Variants in SLC6A6 observed in about 807,000 individuals in gnomAD.
SLC6A6 encodes sodium- and chloride-dependent taurine transporter.
In SLC6A6, 16 loss-of-function variants were observed where a neutral mutation model predicts 68.8. The ratio of observed to expected loss-of-function variants is 0.23; its 90% CI spans 0.16 to 0.35. The LOEUF (loss-of-function observed/expected upper bound fraction) is 0.35. SLC6A6 is among the 10% of genes least tolerant of loss of function. The pLI is 1.00. For missense variants in SLC6A6, 474 were observed against 802.8 expected, an observed-to-expected ratio of 0.59 and a Z score of 4.95; for synonymous variants, 312 against 315.4, an observed-to-expected ratio of 0.99 and a Z score of 0.12.
chr3:14,466,666 G>T lies in SLC6A6; in HGVS notation c.867+16G>T. 6.3e-7 allele frequency: 1 copy of T among 1,595,628 alleles called. No homozygotes were observed. Among genetic ancestry groups the T allele is most frequent in the Non-Finnish European group, 8.6e-7 (1 of 1,167,682 alleles). On this transcript the variant is annotated intron_variant, in intron 7 of 14. Coordinates refer to ENST00000622186, the MANE Select transcript of SLC6A6 (RefSeq NM_003043.6). The stretch of plus-strand genomic sequence containing the variant: ...GGACCCACAGGTACTGTGGGGCTGG[G>T]ACACACCATCCTCCCTCCCATCCAG...
chr3:14,480,272 T>A (rs1700977853), intron 13 of SLC6A6, among the ~76,000 whole-genome samples: 1 of 152,262 alleles, frequency 6.6e-6, no homozygotes, highest in Non-Finnish European at 1.5e-5. Context: ...TTGGTGAGTT[T>A]ATCTTTGGAG....
At chr3:14,454,145 C>T (rs1256622898) in intron 5 of SLC6A6, among the ~76,000 whole-genome samples, 1 of 152,098 alleles carries the variant, frequency 6.6e-6, no homozygotes. Flanking sequence ...GGACGTGGAG[C>T]AGAGGAGGGA....
At position 14,468,691 on chromosome 3, in the gene SLC6A6, C is replaced by T. The variant is rs1325396094; in HGVS notation, c.1096+479C>T. On this transcript the variant is annotated intron_variant, in intron 9 of 14. Transcript: ENST00000622186. This position sits in a 1 kb window ranked among gnomAD's most constrained non-coding sequence, Gnocchi z 4.5. The stretch of plus-strand genomic sequence containing the variant: ...GATTTCTCGTGAATGAGTCCCAACT[C>T]TGTGTCAGGCACCACCGTAGGCACT... Among the ~76,000 whole-genome samples, 2 of 152,124 alleles carry T rather than the reference C, an allele frequency of 1.3e-5. No homozygotes were observed. The highest frequency in any genetic ancestry group is 4.8e-5 in the African/African-American group (2 of 41,428).
intron 2 of SLC6A6, among the ~76,000 whole-genome samples, chr3:14,434,940 C>G (rs1699817058): frequency 6.6e-6 from 1 of 152,228 alleles, no homozygotes; most frequent in Non-Finnish European, 1.5e-5. Flanking sequence ...ACCTTATGTT[C>G]ACCTGCCAAT....
At chr3:14,429,073 G>C (rs1265790118) in intron 2 of SLC6A6, among the ~76,000 whole-genome samples, 1 of 152,124 alleles carries the variant, frequency 6.6e-6, no homozygotes, top group Non-Finnish European at 1.5e-5. Context: ...GGTCTCCAAG[G>C]CTTCTCCCCC....
chr3:14,411,706 C>T (rs1024353795), intron 1 of SLC6A6, among the ~76,000 whole-genome samples: 3 of 152,214 alleles, frequency 2.0e-5, no homozygotes, highest in African/African-American at 7.2e-5. Flanking sequence ...GAAATGGGAA[C>T]CTATGGTTTG....
At chr3:14,405,023 G>T (rs1321245888) in intron 1 of SLC6A6, among the ~76,000 whole-genome samples, 2 of 152,210 alleles carry the variant, frequency 1.3e-5, no homozygotes, top group Non-Finnish European at 2.9e-5. Flanking sequence ...GCCACCTAAG[G>T]GACTTTGCCT....
rs761185703 is a variant in SLC6A6 at position 14,445,841 on chromosome 3, C to G, written c.354C>G (p.Pro118=). The G allele has an allele frequency of 6.2e-7, 1 of 1,614,244 alleles. No individual in the cohort carries two copies. Among genetic ancestry groups the G allele is most frequent in the South Asian group, 1.1e-5 (1 of 91,088 alleles). Residue 118 remains proline (P), a synonymous_variant, in exon 4 of 15, where the codon CCC becomes CCG. Transcript: ENST00000622186. ...TCACCTGCTGGGAAAAGATCTGCCC[C>G]TTGTTCTCTGGTGAGTATGGGACGG... ...GGITCWEKIC[P]LFSGIGYASV...
chr3:14,407,981 C>T (rs1034089513), intron 1 of SLC6A6, among the ~76,000 whole-genome samples: 64 of 152,074 alleles, frequency 4.2e-4, no homozygotes, highest in African/African-American at 1.4e-3. Context: ...AGTAGTCTCC[C>T]ATTGTATGGA....
At chr3:14,449,882 G>C (rs1322588564) in intron 5 of SLC6A6, among the ~76,000 whole-genome samples, 1 of 152,128 alleles carries the variant, frequency 6.6e-6, no homozygotes, top group Non-Finnish European at 1.5e-5. Flanking sequence ...CTCCCAAGTA[G>C]CTGGGATTAC....
At chr3:14,442,902 C>T (rs1297250652) in intron 2 of SLC6A6, among the ~76,000 whole-genome samples, 1 of 152,228 alleles carries the variant, frequency 6.6e-6, no homozygotes, top group African/African-American at 2.4e-5. Context: ...TGGGGATGAA[C>T]AAGCACACTT....
At position 14,481,880 on chromosome 3, in the gene SLC6A6, G is replaced by A. The variant is rs201765853; in HGVS notation, c.1722+39G>A. On this transcript the variant is annotated intron_variant, in intron 14 of 14. Coordinates refer to ENST00000622186, the MANE Select transcript of SLC6A6 (RefSeq NM_003043.6). The surrounding 1 kb of genome is among the most constrained non-coding windows in gnomAD (Gnocchi z 4.7). ...CCCAGGGCCAGGGGAGGTGGGAGGCGCGAGGCCAAAGGTGATTGTTGTCAG... is the reference window on the plus strand; with the variant it reads ...CCCAGGGCCAGGGGAGGTGGGAGGCACGAGGCCAAAGGTGATTGTTGTCAG... 606 of 1,573,588 alleles carry A rather than the reference G, an allele frequency of 3.9e-4. No individual in the cohort carries two copies. The highest frequency in any genetic ancestry group is 4.2e-4 in the Non-Finnish European group (485 of 1,147,516).
At chr3:14,417,168 C>CA (rs1183004094) in intron 2 of SLC6A6, among the ~76,000 whole-genome samples, 1 of 151,794 alleles carries the variant, frequency 6.6e-6, no homozygotes, top group Admixed American at 6.6e-5. Context: ...CCCATCTCAG[C>CA]AAAAATTAAA....
intron 1 of SLC6A6, among the ~76,000 whole-genome samples, chr3:14,407,829 A>T (rs1392135283): frequency 3.3e-5 from 5 of 152,104 alleles, no homozygotes; most frequent in Non-Finnish European, 7.4e-5. Flanking sequence ...CTGTCACCAT[A>T]AATTAGTTTT....
At chr3:14,464,483 T>C (rs1174048748) in intron 6 of SLC6A6, among the ~76,000 whole-genome samples, 1 of 152,210 alleles carries the variant, frequency 6.6e-6, no homozygotes, top group Non-Finnish European at 1.5e-5. Context: ...AGGCACACAG[T>C]AAGTGCTCAA....
At chr3:14,436,316 G>T (rs994594188) in intron 2 of SLC6A6, among the ~76,000 whole-genome samples, 5 of 151,908 alleles carry the variant, frequency 3.3e-5, no homozygotes, top group Admixed American at 2.0e-4. Context: ...TCCTCCTACC[G>T]CAGCCTCCTG....
At chr3:14,429,214 C>T (rs1363400259) in intron 2 of SLC6A6, among the ~76,000 whole-genome samples, 1 of 152,208 alleles carries the variant, frequency 6.6e-6, no homozygotes, top group African/African-American at 2.4e-5. Flanking sequence ...TTGGCTCTGT[C>T]CTGGGTCCAC....
At chr3:14,478,656 A>G (rs2241780) in intron 12 of SLC6A6, 88 bp downstream of exon 12, 222,890 of 846,688 alleles carry the variant, frequency 0.26, 35,351 homozygotes, top group African/African-American at 0.54. Flanking sequence ...ATACTAACAG[A>G]AATTCAATTT....
chr3:14,452,726 G>A (rs115147463), intron 5 of SLC6A6, among the ~76,000 whole-genome samples: 1 of 152,182 alleles, frequency 6.6e-6, no homozygotes, highest in Non-Finnish European at 1.5e-5. Context: ...ATGAGAAGCC[G>A]CTGGGGCCCC....
Sources: allele counts gnomAD v4.1 joint callset (sites outside exome capture counted in the v4.1 genomes callset), GRCh38; gene constraint gnomAD v4.1.1; non-coding constraint Gnocchi (gnomAD v3.1); transcripts MANE v1.5; gene names NCBI Gene and HGNC (gene_info 2026-07-23, HGNC 2026-07-21).